Variants in MAP1A observed in about 807,000 individuals in gnomAD.
MAP1A encodes microtubule-associated protein 1A.
Under a neutral mutation model 185.9 loss-of-function variants are expected in MAP1A, and 42 were observed. That is an observed-to-expected ratio of 0.23 (90% CI 0.18 to 0.29). MAP1A has a LOEUF of 0.29. MAP1A is among the 10% of genes least tolerant of loss of function. The pLI, the probability that MAP1A is intolerant of heterozygous loss-of-function variation, is 1.00. For synonymous variants in MAP1A, 1,229 were observed against 1,335.9 expected (o/e 0.92, Z 1.74); for missense variants, 2,995 against 3,450.4 (o/e 0.87, Z 3.31).
At position 43,523,383 on chromosome 15, in the gene MAP1A, G is replaced by A; in HGVS notation, c.1910G>A (p.Arg637Lys). The A allele has an allele frequency of 6.2e-7, 1 of 1,612,098 alleles. No homozygotes were observed. The highest frequency in any genetic ancestry group is 1.7e-5 in the Admixed American group (1 of 59,692). The part of the protein sequence containing the change: ...KQREAERLPD[R>K]TEAREESEPE... The stretch of plus-strand genomic sequence containing the variant: ...AGGGAAGCAGAGAGGCTCCCAGACA[G>A]AACAGAAGCCAGAGAGGAAAGTGAA... The change falls in exon 4 of 6, where the codon AGA (arginine) becomes AAA (lysine). Residue 637 changes from arginine (R) to lysine (K), a missense_variant. Around this residue, in one of 3 missense-constraint regions of MAP1A, gnomAD observed 2,728 missense variants for 2,986.0 expected, o/e 0.91. Coordinates refer to ENST00000300231, the MANE Select transcript of MAP1A (RefSeq NM_002373.6).
At position 43,528,406 on chromosome 15, in the gene MAP1A, A is replaced by G. The variant is rs2079355643; in HGVS notation, c.6933A>G (p.Pro2311=). 6.2e-7 allele frequency: 1 copy of G among 1,613,586 alleles called. No homozygotes were observed. The highest frequency in any genetic ancestry group is 1.3e-5 in the African/African-American group (1 of 74,928). The change falls in exon 4 of 6, where the codon CCA becomes CCG. Residue 2311 remains proline, a synonymous_variant. Coordinates refer to ENST00000300231, the MANE Select transcript of MAP1A (RefSeq NM_002373.6). ...TCACTCCTCTGAGCCCAGCACCCCCAGCTTCACTGGACTTGGCCCTAGCTC... is the reference window on the plus strand; with the variant it reads ...TCACTCCTCTGAGCCCAGCACCCCCGGCTTCACTGGACTTGGCCCTAGCTC... ...WDLTPLSPAP[P]ASLDLALAPA...
Position 43,522,640 on chromosome 15 carries a change from G to A in MAP1A, c.1167G>A (p.Lys389=). The change falls in exon 4 of 6, where the codon AAG becomes AAA. Residue 389 remains lysine, a synonymous_variant. Coordinates refer to ENST00000300231, the MANE Select transcript of MAP1A (RefSeq NM_002373.6). This position sits in a 1 kb window ranked among gnomAD's most constrained non-coding sequence, Gnocchi z 5.9. ...AGACAGAGTCAAGTGAGGCACTGAA[G>A]GCAGAGAAGCGAAAGCTGATCAAAG... ...RVKTESSEAL[K]AEKRKLIKDK... is the part of the protein sequence containing the mutation. The A allele has an allele frequency of 1.9e-6, 3 of 1,612,964 alleles. No individual in the cohort carries two copies. Among genetic ancestry groups the A allele is most frequent in the Non-Finnish European group, 2.5e-6 (3 of 1,179,598 alleles).
Position 43,527,598 on chromosome 15 carries a change from C to T in MAP1A, c.6125C>T (p.Thr2042Ile), listed in dbSNP as rs1028420764. ...TFSYAALAGP[T>I]VPPRPEPGPS... ...AGCTATGCAGCCCTGGCAGGACCCA[C>T]TGTACCCCCAAGGCCAGAGCCAGGG... The change falls in exon 4 of 6, where the codon ACT becomes ATT. Residue 2042 changes from threonine (T) to isoleucine (I), a missense_variant. Around this residue, in one of 3 missense-constraint regions of MAP1A, gnomAD observed 2,728 missense variants for 2,986.0 expected, o/e 0.91. Coordinates refer to ENST00000300231, the MANE Select transcript of MAP1A (RefSeq NM_002373.6). The T allele has an allele frequency of 1.2e-6, 2 of 1,614,044 alleles. No individual in the cohort carries two copies. The highest frequency in any genetic ancestry group is 1.7e-6 in the Non-Finnish European group (2 of 1,180,034).
chr15:43,513,241 C>T (rs1471468356), upstream of MAP1A, among the ~76,000 whole-genome samples: 1 of 151,796 alleles, frequency 6.6e-6, no homozygotes, highest in Non-Finnish European at 1.5e-5. Flanking sequence ...GCAGGAGAAT[C>T]GCTTGAACCC....
chr15:43,516,658 C>T (rs1414874491), upstream of MAP1A, among the ~76,000 whole-genome samples: 1 of 152,164 alleles, frequency 6.6e-6, no homozygotes, highest in Non-Finnish European at 1.5e-5. Flanking sequence ...ACAGGATCAA[C>T]ATTAGAAAGA....
In MAP1A at chr15:43,524,729, T is replaced by C. The variant is rs773879363; in HGVS notation, c.3256T>C (p.Cys1086Arg). ...PVNIDEGLTG[C>R]TIQLLPAQDK... ...CAACATTGATGAGGGGCTTACAGGC[T>C]GTACCATTCAACTGTTGCCAGCACA... Residue 1086 changes from cysteine (C) to arginine (R), a missense_variant, in exon 4 of 6, where the codon TGT (cysteine) becomes CGT (arginine). Physicochemically the swap from Cys to Arg is radical, Grantham distance 180. Transcript: ENST00000300231. 6.2e-7 allele frequency: 1 copy of C among 1,614,114 alleles called. No individual in the cohort carries two copies. The highest frequency in any genetic ancestry group is 2.2e-5 in the East Asian group (1 of 44,880).
chr15:43,528,094 A>T lies in MAP1A; in HGVS notation c.6621A>T (p.Gly2207=), dbSNP rs1490640038. Residue 2207 remains glycine, a synonymous_variant, in exon 4 of 6, where the codon GGA becomes GGT. Transcript: ENST00000300231. The stretch of plus-strand genomic sequence containing the variant: ...ATCGAGCTCTGGCTCTGGCTCCAGG[A>T]CCCCCCACCAGAACCCGGCATGATG... ...SGDRALALAP[G]PPTRTRHDEY... The T allele has an allele frequency of 2.5e-6, 4 of 1,612,608 alleles. No individual in the cohort carries two copies. The highest frequency in any genetic ancestry group is 3.4e-6 in the Non-Finnish European group (4 of 1,179,720).
chr15:43,515,976 G>A (rs185133139), upstream of MAP1A, among the ~76,000 whole-genome samples: 2 of 152,298 alleles, frequency 1.3e-5, no homozygotes, highest in Admixed American at 1.3e-4. Context: ...GGGGGTGGCA[G>A]CTGAGAATAT....
Position 43,523,299 on chromosome 15 carries a change from G to T in MAP1A, c.1826G>T (p.Gly609Val). The change falls in exon 4 of 6, where the codon GGC becomes GTC. Residue 609 changes from glycine to valine, a missense_variant. Coordinates refer to ENST00000300231, the MANE Select transcript of MAP1A (RefSeq NM_002373.6). ...VPEEQGSKDR[G>V]LDSGAETEEE... ...GAGGAACAAGGCAGCAAGGACAGAG[G>T]CCTAGACTCTGGGGCTGAAACAGAG... The T allele has an allele frequency of 6.2e-7, 1 of 1,612,762 alleles. No individual in the cohort carries two copies. The highest frequency in any genetic ancestry group is 8.5e-7 in the Non-Finnish European group (1 of 1,179,342).
upstream of MAP1A, among the ~76,000 whole-genome samples, chr15:43,515,178 C>T (rs894929573): frequency 7.2e-5 from 11 of 152,150 alleles, no homozygotes; most frequent in African/African-American, 2.2e-4. Context: ...CATTGCAGTC[C>T]AGCCTGGGCG....
chr15:43,528,633 C>T lies in MAP1A; in HGVS notation c.7160C>T (p.Ala2387Val), dbSNP rs2079356907. Residue 2387 changes from alanine (A) to valine (V), a missense_variant, in exon 4 of 6, where the codon GCC becomes GTC. Physicochemically the swap from Ala to Val is moderately conservative, Grantham distance 64 (BLOSUM62 0). This residue lies in a region of MAP1A where 2,728 missense variants were observed against 2,986.0 expected (regional missense o/e 0.91). Coordinates refer to ENST00000300231, the MANE Select transcript of MAP1A (RefSeq NM_002373.6). The part of the protein sequence containing the change: ...AENEEAAACP[A>V]WERGAWPEGA... ...AATGAAGAGGCTGCGGCTTGCCCTGCCTGGGAACGTGGGGCCTGGCCTGAA... is the reference window on the plus strand; with the variant it reads ...AATGAAGAGGCTGCGGCTTGCCCTGTCTGGGAACGTGGGGCCTGGCCTGAA... 1.2e-6 allele frequency: 2 copies of T among 1,613,272 alleles called. No homozygotes were observed. Among genetic ancestry groups the T allele is most frequent in the African/African-American group, 2.7e-5 (2 of 74,948 alleles).
chr15:43,512,909 T>A (rs949233582), upstream of MAP1A, among the ~76,000 whole-genome samples: 2 of 152,160 alleles, frequency 1.3e-5, no homozygotes, highest in African/African-American at 4.8e-5. Context: ...GCTCACATAA[T>A]GCAGTTTCCC....
At chr15:43,519,336 C>T (rs1230131175) in intron 1 of MAP1A, among the ~76,000 whole-genome samples, 1 of 152,214 alleles carries the variant, frequency 6.6e-6, no homozygotes, top group Non-Finnish European at 1.5e-5. Flanking sequence ...TCATTTCCCC[C>T]ACAGCTGCAT....
Position 43,525,453 on chromosome 15 carries a change from C to T in MAP1A, c.3980C>T (p.Pro1327Leu). 1 of 1,614,190 alleles carries T rather than the reference C, an allele frequency of 6.2e-7. No homozygotes were observed. Among genetic ancestry groups the T allele is most frequent in the Non-Finnish European group, 8.5e-7 (1 of 1,180,042 alleles). Reference sequence around the variant, plus strand: ...CCTGATAGCTCCTTCTCCAAGAGTCCTGAGTCTTTGCCAGGCCCTGCCTTG... The same window carrying T: ...CCTGATAGCTCCTTCTCCAAGAGTCTTGAGTCTTTGCCAGGCCCTGCCTTG... The part of the protein sequence containing the change: ...LTPDSSFSKS[P>L]ESLPGPALED... Residue 1327 changes from proline (P) to leucine (L), a missense_variant, in exon 4 of 6, where the codon CCT becomes CTT. Transcript: ENST00000300231.
Position 43,525,423 on chromosome 15 carries a change from T to G in MAP1A, c.3950T>G (p.Leu1317Arg). 6.2e-7 allele frequency: 1 copy of G among 1,614,166 alleles called. No homozygotes were observed. Among genetic ancestry groups the G allele is most frequent in the Non-Finnish European group, 8.5e-7 (1 of 1,180,042 alleles). The stretch of plus-strand genomic sequence containing the variant: ...ATCACAAGCCCTGATGAACACATTC[T>G]GACACCTGATAGCTCCTTCTCCAAG... ...GAITSPDEHILTPDSSFSKSP... is the reference protein window; with the variant it reads ...GAITSPDEHIRTPDSSFSKSP... The change falls in exon 4 of 6, where the codon CTG (leucine) becomes CGG (arginine). Residue 1317 changes from leucine to arginine, a missense_variant. Leu to Arg is a moderately radical substitution (Grantham distance 102, BLOSUM62 -2). Around this residue, in one of 3 missense-constraint regions of MAP1A, gnomAD observed 2,728 missense variants for 2,986.0 expected, o/e 0.91. Coordinates refer to ENST00000300231, the MANE Select transcript of MAP1A (RefSeq NM_002373.6).
rs200045630 is a variant in MAP1A at position 43,526,785 on chromosome 15, G to A, written c.5312G>A (p.Arg1771His). The A allele has an allele frequency of 2.1e-5, 34 of 1,614,118 alleles. No homozygotes were observed. The African/African-American group carries it at 3.3e-4, about 16-fold the overall frequency. ...CCACAGAAGGGGCTAGAGGTGGAGC[G>A]CTGGCTTGCTGAATCACCAGTTGGG... The part of the protein sequence containing the change: ...SSPQKGLEVE[R>H]WLAESPVGLP... The change falls in exon 4 of 6, where the codon CGC (arginine) becomes CAC (histidine). Residue 1771 changes from arginine (R) to histidine (H), a missense_variant. Coordinates refer to ENST00000300231, the MANE Select transcript of MAP1A (RefSeq NM_002373.6). The surrounding 1 kb of genome is among the most constrained non-coding windows in gnomAD (Gnocchi z 4.7).
chr15:43,528,952 T>G lies in MAP1A; in HGVS notation c.7479T>G (p.Pro2493=). The change falls in exon 4 of 6, where the codon CCT becomes CCG. Residue 2493 remains proline (P), a synonymous_variant. Coordinates refer to ENST00000300231, the MANE Select transcript of MAP1A (RefSeq NM_002373.6). ...GGPGTTGGPC[P]VTDETPPTSA... ...CAGGGACCACTGGGGGCCCATGCCCTGTGACTGATGAGACACCCCCTACAT... is the reference window on the plus strand; with the variant it reads ...CAGGGACCACTGGGGGCCCATGCCCGGTGACTGATGAGACACCCCCTACAT... 6.2e-7 allele frequency: 1 copy of G among 1,613,208 alleles called. No homozygotes were observed. Among genetic ancestry groups the G allele is most frequent in the Non-Finnish European group, 8.5e-7 (1 of 1,179,972 alleles).
Position 43,521,594 on chromosome 15 carries a change from T to C in MAP1A, c.121T>C (p.Tyr41His), listed in dbSNP as rs1438904558. 1 of 1,614,038 alleles carries C rather than the reference T, an allele frequency of 6.2e-7. No homozygotes were observed. Residue 41 changes from tyrosine (Y) to histidine (H), a missense_variant, in exon 4 of 6, where the codon TAC becomes CAC. Around this residue, in one of 3 missense-constraint regions of MAP1A, gnomAD observed 264 missense variants for 435.3 expected, o/e 0.61. Coordinates refer to ENST00000300231, the MANE Select transcript of MAP1A (RefSeq NM_002373.6). This position sits in a 1 kb window ranked among gnomAD's most constrained non-coding sequence, Gnocchi z 4.6. ...GFLKLSKPCC[Y>H]IFPGGRGDSA... ...CCTCAAGCTCTCCAAGCCTTGTTGC[T>C]ACATCTTCCCAGGTGGTCGTGGGGA... is the stretch of plus-strand genomic sequence containing the variant.
rs1813680173 is a variant in MAP1A, at chr15:43,527,798, G to C, written c.6325G>C (p.Glu2109Gln). The change falls in exon 4 of 6, where the codon GAA becomes CAA. Residue 2109 changes from glutamate to glutamine, a missense_variant. Physicochemically the swap from Glu to Gln is conservative, Grantham distance 29 (BLOSUM62 2). Coordinates refer to ENST00000300231, the MANE Select transcript of MAP1A (RefSeq NM_002373.6). Reference sequence around the variant, plus strand: ...CTGGGATGACAGCACTAGTGACTCAGAACTGGAGAAGGGGGCTCGGGAACA... The same window carrying C: ...CTGGGATGACAGCACTAGTGACTCACAACTGGAGAAGGGGGCTCGGGAACA... Reference protein sequence around the residue: ...SHWDDSTSDSELEKGAREQPE... With the variant: ...SHWDDSTSDSQLEKGAREQPE... The C allele has an allele frequency of 6.2e-7, 1 of 1,613,796 alleles. No individual in the cohort carries two copies. Among genetic ancestry groups the C allele is most frequent in the South Asian group, 1.1e-5 (1 of 91,052 alleles).
Sources: allele counts gnomAD v4.1 joint callset (sites outside exome capture counted in the v4.1 genomes callset), GRCh38; gene constraint gnomAD v4.1.1; regional missense constraint gnomAD v4.1.1; non-coding constraint Gnocchi (gnomAD v3.1); transcripts MANE v1.5; gene names NCBI Gene and HGNC (gene_info 2026-07-23, HGNC 2026-07-21).